The following ZC3H18 variants were observed in gnomAD, a reference collection of about 807,000 sequenced individuals.
ZC3H18 encodes zinc finger CCCH-type containing 18.
In ZC3H18, 8 loss-of-function variants were observed where a neutral mutation model predicts 106.1. The ratio of observed to expected loss-of-function variants is 0.08; its 90% CI spans 0.04 to 0.14. The LOEUF (loss-of-function observed/expected upper bound fraction) is 0.14. ZC3H18 is among the 10% of genes least tolerant of loss of function. ZC3H18 has a pLI of 1.00. For synonymous variants in ZC3H18, 635 were observed against 522.1 expected, an observed-to-expected ratio of 1.22 and a Z score of -2.95; for missense variants, 1,318 against 1,278.4, an observed-to-expected ratio of 1.03 and a Z score of -0.47.
At chr16:88,622,630 G>A in intron 9 of ZC3H18, 1 of 507,232 alleles carries the variant, frequency 2.0e-6, no homozygotes, top group Non-Finnish European at 3.5e-6. Flanking sequence ...GAGCCTGACT[G>A]CTCCCAGGGA....
chr16:88,630,278 T>G (rs1352244369), intron 16 of ZC3H18: 7 of 523,138 alleles, frequency 1.3e-5, no homozygotes, highest in Non-Finnish European at 2.4e-5. Context: ...GGGCCCAGGT[T>G]TGGCCTCAGC....
intron 10 of ZC3H18, 125 bp downstream of exon 10, chr16:88,623,469 C>A: frequency 7.5e-7 from 1 of 1,328,022 alleles, no homozygotes; most frequent in Non-Finnish European, 1.0e-6. Context: ...GGCAGCTGAA[C>A]TAGGATGGCC....
chr16:88,625,935 A>G (rs146914912), intron 13 of ZC3H18: 3 of 149,742 alleles, frequency 2.0e-5, no homozygotes, highest in East Asian at 2.0e-4. Context: ...CCCGGATTCA[A>G]CCTCAGCCCC....
rs374902859 is a variant in ZC3H18 at position 88,623,987 on chromosome 16, C to G, written c.1823C>G (p.Pro608Arg). 7 of 1,613,328 alleles carry G rather than the reference C, an allele frequency of 4.3e-6. No homozygotes were observed. Among genetic ancestry groups the G allele is most frequent in the East Asian group, 2.2e-5 (1 of 44,878 alleles). The part of the protein sequence containing the change: ...RSRSFSSSPS[P>R]SPTPSPHRPS... ...CGGTCCTTCTCTTCGTCCCCGTCCCCGTCCCCAACACCTTCCCCACATAGA... is the reference window on the plus strand; with the variant it reads ...CGGTCCTTCTCTTCGTCCCCGTCCCGGTCCCCAACACCTTCCCCACATAGA... Residue 608 changes from proline to arginine, a missense_variant, in exon 11 of 18, where the codon CCG becomes CGG. Physicochemically the swap from Pro to Arg is moderately radical, Grantham distance 103. This residue lies in a region of ZC3H18 where 848 missense variants were observed against 821.7 expected (regional missense o/e 1.03). Coordinates refer to ENST00000301011, the MANE Select transcript of ZC3H18 (RefSeq NM_144604.4).
At chr16:88,599,998 C>T (rs371691312) in intron 6 of ZC3H18, 50 bp downstream of exon 6, 12 of 1,600,976 alleles carry the variant, frequency 7.5e-6, no homozygotes, top group African/African-American at 2.7e-5. Context: ...CATGCGGCCA[C>T]GCTCCGGAGA....
intron 1 of ZC3H18, among the ~76,000 whole-genome samples, chr16:88,570,800 C>A (rs1167990260): frequency 1.3e-5 from 2 of 152,086 alleles, no homozygotes; most frequent in African/African-American, 4.8e-5. Context: ...GCGCCCTGGG[C>A]GCCCGAGCTC....
chr16:88,628,503 T>C, intron 15 of ZC3H18: 1 of 551,316 alleles, frequency 1.8e-6, no homozygotes, highest in Non-Finnish European at 3.3e-6. Context: ...CAGGTCCTCC[T>C]AGAGTGGCCC....
intron 6 of ZC3H18, among the ~76,000 whole-genome samples, chr16:88,607,270 T>A (rs1242571064): frequency 6.6e-6 from 1 of 152,240 alleles, no homozygotes; most frequent in Non-Finnish European, 1.5e-5. Context: ...GGCACTGGCT[T>A]AATTATACAG....
Position 88,586,669 on chromosome 16 carries a change from C to T in ZC3H18, c.673C>T (p.Arg225Trp). ...DRKVRPRPTCRFFMKGNCTWG... is the reference protein window; with the variant it reads ...DRKVRPRPTCWFFMKGNCTWG... ...GAAGGTGAGGCCTCGTCCCACCTGCCGGTTCTTCATGAAAGGTAATTGTCT... is the reference window on the plus strand; with the variant it reads ...GAAGGTGAGGCCTCGTCCCACCTGCTGGTTCTTCATGAAAGGTAATTGTCT... Residue 225 changes from arginine (R) to tryptophan (W), a missense_variant, in exon 3 of 18, where the codon CGG becomes TGG. Arg to Trp is a moderately radical substitution (Grantham distance 101). Around this residue, in one of 6 missense-constraint regions of ZC3H18, gnomAD observed 30 missense variants for 63.3 expected, o/e 0.47. Coordinates refer to ENST00000301011, the MANE Select transcript of ZC3H18 (RefSeq NM_144604.4). 6.2e-7 allele frequency: 1 copy of T among 1,614,102 alleles called. No homozygotes were observed. Among genetic ancestry groups the T allele is most frequent in the Non-Finnish European group, 8.5e-7 (1 of 1,179,998 alleles).
intron 1 of ZC3H18, among the ~76,000 whole-genome samples, chr16:88,572,527 A>T (rs1010039556): frequency 6.6e-6 from 1 of 152,060 alleles, no homozygotes; most frequent in South Asian, 2.1e-4. Context: ...AGACGGGACG[A>T]TGGGCACTTG....
At chr16:88,573,895 G>A (rs554867863) in intron 1 of ZC3H18, among the ~76,000 whole-genome samples, 1 of 151,086 alleles carries the variant, frequency 6.6e-6, no homozygotes, top group Non-Finnish European at 1.5e-5. Flanking sequence ...TTTTTGAGAC[G>A]GAGTTTTGCT....
chr16:88,571,779 G>A (rs776959949), intron 1 of ZC3H18: 8 of 709,550 alleles, frequency 1.1e-5, no homozygotes, highest in African/African-American at 1.9e-5. Flanking sequence ...TAGTGGTCAC[G>A]CTTGGTCACT....
At chr16:88,621,819 A>G (rs1021462657) in intron 8 of ZC3H18, among the ~76,000 whole-genome samples, 2 of 152,188 alleles carry the variant, frequency 1.3e-5, no homozygotes, top group South Asian at 4.1e-4. Context: ...TTATGAACCT[A>G]CTAGTATATC....
chr16:88,571,440 G>T (rs550482376), intron 1 of ZC3H18, among the ~76,000 whole-genome samples: 2 of 152,296 alleles, frequency 1.3e-5, no homozygotes, highest in East Asian at 1.9e-4. Flanking sequence ...GTCCTTTCCC[G>T]TTCAGTAGTT....
At chr16:88,571,531 C>T (rs1567572357) in intron 1 of ZC3H18, 4 of 729,030 alleles carry the variant, frequency 5.5e-6, no homozygotes, top group South Asian at 6.2e-5. Context: ...GATAATTTTA[C>T]TATCTAAGGG....
At chr16:88,608,430 C>G (rs1905115567) in intron 6 of ZC3H18, 1 of 152,176 alleles carries the variant, frequency 6.6e-6, no homozygotes, top group African/African-American at 2.4e-5. Context: ...ATGGCACAGT[C>G]TCGGCTCATG....
intron 2 of ZC3H18, among the ~76,000 whole-genome samples, chr16:88,586,201 A>G (rs1915421617): frequency 6.6e-6 from 1 of 152,222 alleles, no homozygotes; most frequent in African/African-American, 2.4e-5. Context: ...CCTCCCCAAG[A>G]ATTGTAAATT....
chr16:88,587,752 G>C, intron 3 of ZC3H18: 1 of 823,620 alleles, frequency 1.2e-6, no homozygotes, highest in East Asian at 2.7e-5. Context: ...AGAGCTGTTC[G>C]GAACCTCCTC....
intron 1 of ZC3H18, among the ~76,000 whole-genome samples, chr16:88,575,480 A>G (rs1914690761): frequency 6.6e-6 from 1 of 151,870 alleles, no homozygotes; most frequent in Non-Finnish European, 1.5e-5. Flanking sequence ...GCTGCTCCAC[A>G]CTCACTTGGT....
Sources: gnomAD v4.1 joint callset for allele counts (sites outside exome capture counted in the v4.1 genomes callset) on GRCh38, gnomAD v4.1.1 for gene constraint, gnomAD v4.1.1 regional missense constraint, MANE v1.5 for transcripts, NCBI Gene and HGNC (gene_info 2026-07-23, HGNC 2026-07-21) for gene names.